HNRNPAB: variants seen among roughly 807,000 people sequenced by gnomAD.
The protein encoded by HNRNPAB is ABBP-1.
HNRNPAB carries 17 observed loss-of-function variants against 44.1 expected under a neutral mutation model. That is an observed-to-expected ratio of 0.39 (90% confidence interval 0.26 to 0.58). The LOEUF is 0.58. Ranked by LOEUF, HNRNPAB falls within the 20% of genes least tolerant of loss-of-function variation. The pLI is 0.63. For synonymous variants in HNRNPAB, 183 were observed against 167.6 expected (o/e 1.09, Z -0.71); for missense variants, 393 against 432.7 (o/e 0.91, Z 0.81).
rs1337097559 is a variant in HNRNPAB, at chr5:178,205,957, C to T, written c.325C>T (p.Arg109Trp). 1.2e-6 allele frequency: 2 copies of T among 1,613,950 alleles called. No individual in the cohort carries two copies. The highest frequency in any genetic ancestry group is 1.3e-5 in the African/African-American group (1 of 74,892). The change falls in exon 3 of 8, where the codon CGG becomes TGG. Residue 109 changes from arginine to tryptophan, a missense_variant. Physicochemically the swap from Arg to Trp is moderately radical, Grantham distance 101. This residue lies in a region of HNRNPAB where 102 missense variants were observed against 162.3 expected (regional missense o/e 0.63). Transcript: ENST00000358344. ...CTIKMDPNTG[R>W]SRGFGFILFK... is the part of the protein sequence containing the mutation. ...AATAAAAATGGATCCCAACACTGGA[C>T]GGTCAAGAGGGTTTGGGTTTATCCT...
chr5:178,205,080 C>T lies in HNRNPAB; in HGVS notation c.209+34C>T, dbSNP rs534964892. On this transcript the variant is annotated intron_variant, in intron 2 of 7. Coordinates refer to ENST00000358344, the MANE Select transcript of HNRNPAB (RefSeq NM_031266.3). ...GGCCGCGGGCGGACGGGGGCGCCGCCTTTGTTCCGGGGCCGCCTTTTGTTG... is the reference window on the plus strand; with the variant it reads ...GGCCGCGGGCGGACGGGGGCGCCGCTTTTGTTCCGGGGCCGCCTTTTGTTG... 37 of 1,192,424 alleles carry T rather than the reference C, an allele frequency of 3.1e-5. No individual in the cohort carries two copies. In the African/African-American group the frequency reaches 4.3e-4, roughly 14 times the overall value. The allele number at this position is 1,192,424 out of a possible 1,614,324, so 73.9% of individuals were successfully genotyped here. A position where few individuals can be genotyped will look rare whatever the true frequency, so the allele number is the denominator to read the frequency against.
rs779577708 is a variant in HNRNPAB at position 178,210,580 on chromosome 5, G to A, written c.956G>A (p.Ser319Asn). Residue 319 changes from serine (S) to asparagine (N), a missense_variant, in exon 8 of 8, where the codon AGC becomes AAC. By Grantham distance (46) the Ser-to-Asn change is conservative (BLOSUM62 1). Transcript: ENST00000358344. ...CAGGGTAGTACAAACTACGGCAAGA[G>A]CCAGCGACGTGGTGGCCATCAGAAT... ...YSQGSTNYGKSQRRGGHQNNY... is the reference protein window; with the variant it reads ...YSQGSTNYGKNQRRGGHQNNY... 4 of 1,614,068 alleles carry A rather than the reference G, an allele frequency of 2.5e-6. No homozygotes were observed. The highest frequency in any genetic ancestry group is 1.6e-4 in the Middle Eastern group (1 of 6,080).
intron 5 of HNRNPAB, 63 bp from the exon 6 acceptor site, chr5:178,209,267 G>GT: frequency 7.9e-7 from 1 of 1,269,610 alleles, no homozygotes; most frequent in Non-Finnish European, 1.2e-6. Context: ...CAGTGAAGGT[G>GT]TTTGGGCAGT....
intron 3 of HNRNPAB, 52 bp from the exon 4 acceptor site, chr5:178,206,680 C>T (rs371339667): frequency 1.0e-4 from 164 of 1,568,232 alleles, no homozygotes; most frequent in Non-Finnish European, 1.4e-4. Flanking sequence ...GAGAGAAGGG[C>T]CTTGTCTGGC....
rs1035139789 is a variant in HNRNPAB, at chr5:178,210,768, C to A, written c.*145C>A. ...TTTAAAATTTCCCCCATGGAAATCA[C>A]TCTCCTGTTGACTATTTCCAGAGCT... On this transcript the variant is annotated 3_prime_UTR_variant, in exon 8 of 8. Coordinates refer to ENST00000358344, the MANE Select transcript of HNRNPAB (RefSeq NM_031266.3). The A allele has an allele frequency of 2.9e-6, 2 of 684,402 alleles. No homozygotes were observed. Among genetic ancestry groups the A allele is most frequent in the African/African-American group, 3.5e-5 (2 of 56,798 alleles). The allele number at this position is 684,402 out of a possible 1,614,324, so 42.4% of individuals were successfully genotyped here. A position where few individuals can be genotyped will look rare whatever the true frequency, so the allele number is the denominator to read the frequency against.
chr5:178,206,144 G>A, intron 3 of HNRNPAB, 134 bp downstream of exon 3: 1 of 803,274 alleles, frequency 1.2e-6, no homozygotes, highest in Non-Finnish European at 2.0e-6. Flanking sequence ...CAAAGCCGGA[G>A]GTTATGTTCC....
At position 178,210,708 on chromosome 5, in the gene HNRNPAB, G is replaced by GCAAACTTTCTATT. The variant is rs1758012835; in HGVS notation, c.*86_*98dup. 3.7e-6 allele frequency: 4 copies of GCAAACTTTCTATT among 1,079,260 alleles called. No homozygotes were observed. In the Admixed American group the frequency reaches 7.1e-5, roughly 19 times the overall value. 66.9% of individuals were successfully genotyped at this position (1,079,260 alleles called of 1,614,324 possible). On this transcript the variant is annotated 3_prime_UTR_variant, in exon 8 of 8. Coordinates refer to ENST00000358344, the MANE Select transcript of HNRNPAB (RefSeq NM_031266.3). ...ACAATTATGTACCAAATTTAACTTG[G>GCAAACTTTCTATT]CAAACTTTCTATTGCCTGTCCCATG... is the stretch of plus-strand genomic sequence containing the variant.
chr5:178,206,154 C>T (rs968185469), intron 3 of HNRNPAB, 144 bp downstream of exon 3: 3 of 745,348 alleles, frequency 4.0e-6, no homozygotes, highest in Non-Finnish European at 6.7e-6. Flanking sequence ...GGTTATGTTC[C>T]GGTTTTTGAG....
Position 178,210,138 on chromosome 5 carries a change from G to T in HNRNPAB, c.794G>T (p.Ser265Ile). ...TGCCCTGCTCCCCCCACAGGTCAGA[G>T]TCAGAGTTGGAATCAGGGCTACGGC... ...SGGGGGGGGQSQSWNQGYGNY... is the reference protein window; with the variant it reads ...SGGGGGGGGQIQSWNQGYGNY... Residue 265 changes from serine (S) to isoleucine (I), a missense_variant, in exon 7 of 8, where the codon AGT becomes ATT. Ser to Ile is a moderately radical substitution (Grantham distance 142, BLOSUM62 -2). Transcript: ENST00000358344. 1 of 1,614,168 alleles carries T rather than the reference G, an allele frequency of 6.2e-7. No individual in the cohort carries two copies. The highest frequency in any genetic ancestry group is 8.5e-7 in the Non-Finnish European group (1 of 1,180,006).
At chr5:178,209,270 T>C in intron 5 of HNRNPAB, 60 bp from the exon 6 acceptor site, 1 of 1,290,222 alleles carries the variant, frequency 7.8e-7, no homozygotes. Flanking sequence ...TGAAGGTGTT[T>C]GGGCAGTCAC....
intron 2 of HNRNPAB, chr5:178,205,595 A>C (rs2113534653): frequency 2.2e-6 from 1 of 459,376 alleles, no homozygotes; most frequent in African/African-American, 1.9e-5. Flanking sequence ...TAGGTCCCAT[A>C]CCCCTGGTGA....
Position 178,207,235 on chromosome 5 carries a change from TC to T in HNRNPAB, c.669+13del, listed in dbSNP as rs1757105763. The T allele has an allele frequency of 1.9e-6, 3 of 1,613,722 alleles. No homozygotes were observed. In the East Asian group the frequency reaches 6.7e-5, roughly 36 times the overall value. On this transcript the variant is annotated intron_variant, in intron 5 of 7. Transcript: ENST00000358344. ...TGTCAGTGGAAGCAAGGTAAGGTGT[TC>T]CCAGCTCTGCTTGGCCTCCTGTGCT... is the stretch of plus-strand genomic sequence containing the variant.
chr5:178,210,446 G>A (rs2913751), intron 7 of HNRNPAB, 107 bp from the exon 8 acceptor site: 769,702 of 1,481,870 alleles, frequency 0.52, 202,054 homozygotes, highest in African/African-American at 0.67. Flanking sequence ...GAGGAAGGCA[G>A]TCTCTGCTGT....
chr5:178,210,181 C>A lies in HNRNPAB; in HGVS notation c.837C>A (p.Gly279=), dbSNP rs1233994744. The change falls in exon 7 of 8, where the codon GGC becomes GGA. Residue 279 remains glycine (G), a synonymous_variant. Transcript: ENST00000358344. ...GCTACGGCAACTACTGGAACCAGGG[C>A]TACGGCTACCAGCAGGGCTACGGGC... ...NQGYGNYWNQ[G]YGYQQGYGPG... The A allele has an allele frequency of 6.2e-7, 1 of 1,613,464 alleles. No individual in the cohort carries two copies.
Position 178,210,547 on chromosome 5 carries a change from C to A in HNRNPAB, c.929-6C>A. The A allele has an allele frequency of 6.2e-7, 1 of 1,613,736 alleles. No homozygotes were observed. Among genetic ancestry groups the A allele is most frequent in the Non-Finnish European group, 8.5e-7 (1 of 1,179,650 alleles). ...TAGTAGCTGCTATGGTTGTTCTCGT[C>A]CCTAGGTCAGGGTAGTACAAACTAC... is the stretch of plus-strand genomic sequence containing the variant. On this transcript the variant is annotated splice_polypyrimidine_tract_variant and splice_region_variant and intron_variant, in intron 7 of 7. Coordinates refer to ENST00000358344, the MANE Select transcript of HNRNPAB (RefSeq NM_031266.3).
intron 2 of HNRNPAB, 117 bp downstream of exon 2, chr5:178,205,163 C>G (rs910535418): frequency 6.1e-6 from 4 of 653,132 alleles, no homozygotes; most frequent in Admixed American, 9.9e-5. Flanking sequence ...TGGTGCGGCC[C>G]GCGGACTGTC....
chr5:178,210,815 G>T lies in HNRNPAB; in HGVS notation c.*192G>T. ...AGCTCTAGGTGTTTAGGCAGCGTGT[G>T]GTGTCTGAGAGGCCATAGCGCCATC... On this transcript the variant is annotated 3_prime_UTR_variant, in exon 8 of 8. Transcript: ENST00000358344. 1 of 607,178 alleles carries T rather than the reference G, an allele frequency of 1.6e-6. No homozygotes were observed. Among genetic ancestry groups the T allele is most frequent in the African/African-American group, 1.8e-5 (1 of 54,242 alleles). 37.6% of individuals were successfully genotyped at this position (607,178 alleles called of 1,614,324 possible).
intron 6 of HNRNPAB, among the ~76,000 whole-genome samples, chr5:178,209,797 C>T (rs1363222905): frequency 1.3e-5 from 2 of 152,250 alleles, no homozygotes; most frequent in Admixed American, 6.5e-5. Context: ...GGCATTTATC[C>T]CCTTCCATCC....
At position 178,206,870 on chromosome 5, in the gene HNRNPAB, T is replaced by C. The variant is rs2113543592; in HGVS notation, c.517T>C (p.Tyr173His). The C allele has an allele frequency of 6.2e-7, 1 of 1,613,950 alleles. No individual in the cohort carries two copies. Among genetic ancestry groups the C allele is most frequent in the Non-Finnish European group, 8.5e-7 (1 of 1,179,980 alleles). Reference sequence around the variant, plus strand: ...AGCCACTGAGGAAAAGATCAGGGAGTACTTTGGCGAGTTTGGGGAGGTGAG... The same window carrying C: ...AGCCACTGAGGAAAAGATCAGGGAGCACTTTGGCGAGTTTGGGGAGGTGAG... ...PEATEEKIRE[Y>H]FGEFGEIEAI... The change falls in exon 4 of 8, where the codon TAC becomes CAC. Residue 173 changes from tyrosine to histidine, a missense_variant. This residue lies in a region of HNRNPAB where 102 missense variants were observed against 162.3 expected (regional missense o/e 0.63). Coordinates refer to ENST00000358344, the MANE Select transcript of HNRNPAB (RefSeq NM_031266.3).
Sources: allele counts gnomAD v4.1 joint callset (sites outside exome capture counted in the v4.1 genomes callset), GRCh38; gene constraint gnomAD v4.1.1; regional missense constraint gnomAD v4.1.1; transcripts MANE v1.5; gene names NCBI Gene and HGNC (gene_info 2026-07-23, HGNC 2026-07-21).